RBFOX2: variants seen among roughly 807,000 people sequenced by gnomAD.
The protein encoded by RBFOX2 is RNA binding protein fox-1 homolog 2.
Under a neutral mutation model 49.1 loss-of-function variants are expected in RBFOX2, and 10 were observed. The ratio of observed to expected loss-of-function variants is 0.20; its 90% CI spans 0.13 to 0.35. The LOEUF is 0.35. RBFOX2 is among the 10% of genes least tolerant of loss of function. The pLI, the probability that RBFOX2 is intolerant of heterozygous loss-of-function variation, is 1.00. For missense variants in RBFOX2, 323 were observed against 486.9 expected, an observed-to-expected ratio of 0.66 and a Z score of 3.17; for synonymous variants, 183 against 187.4, an observed-to-expected ratio of 0.98 and a Z score of 0.19.
intron 1 of RBFOX2, among the ~76,000 whole-genome samples, chr22:35,871,584 T>C (rs2044358680): frequency 6.6e-6 from 1 of 152,220 alleles, no homozygotes; most frequent in Non-Finnish European, 1.5e-5. Flanking sequence ...TCTGAGCTGT[T>C]CTTATTCAAG....
At position 35,913,543 on chromosome 22, in the gene RBFOX2, T is replaced by C. The variant is rs1250949614; in HGVS notation, c.-34+25304A>G. On this transcript the variant is annotated intron_variant, in intron 1 of 13. Transcript: ENST00000359369. ...ATTATATCATTATAATATGTGTGTA[T>C]ATGTATGTGTGTGTGTGTATATATA... Among the ~76,000 whole-genome samples, 7 of 149,986 alleles carry C rather than the reference T, an allele frequency of 4.7e-5. No individual in the cohort carries two copies. In the South Asian group the frequency reaches 8.5e-4, roughly 18 times the overall value.
chr22:35,875,607 GGTGTGTGTGTGTGTGTGT>G lies in RBFOX2; in HGVS notation c.-34+63222_-34+63239del, dbSNP rs56137825. Among the ~76,000 whole-genome samples the G allele has an allele frequency of 3.6e-3, 428 of 117,726 alleles. 2 individuals are homozygous for G. The highest frequency in any genetic ancestry group is 0.011 in the East Asian group (42 of 3,898). 77.2% of individuals were successfully genotyped at this position (117,726 alleles called of 152,430 possible). ...CTGCGAATTAATAAATGCTCACAAG[GGTGTGTGTGTGTGTGTGT>G]GTGTGTGTGTGTGTGTGTGTGTGTG... On this transcript the variant is annotated intron_variant, in intron 1 of 13. Transcript: ENST00000359369.
intron 1 of RBFOX2, among the ~76,000 whole-genome samples, chr22:35,832,802 C>T (rs1179622116): frequency 6.6e-6 from 1 of 152,140 alleles, no homozygotes. Context: ...CAAGACTGCA[C>T]CACTGTACTC....
chr22:35,899,270 GA>G (rs1253739276), intron 1 of RBFOX2, among the ~76,000 whole-genome samples: 1 of 151,632 alleles, frequency 6.6e-6, no homozygotes, highest in African/African-American at 2.4e-5. Flanking sequence ...TCAAAATAAA[GA>G]AAAGTTTAAA....
intron 6 of RBFOX2, among the ~76,000 whole-genome samples, chr22:35,762,640 G>A (rs1333558698): frequency 6.6e-6 from 1 of 151,628 alleles, no homozygotes; most frequent in Non-Finnish European, 1.5e-5. Context: ...CAAGTAGCTG[G>A]GACTACAGGC....
intron 4 of RBFOX2, among the ~76,000 whole-genome samples, chr22:35,770,730 A>G (rs1156231054): frequency 2.6e-5 from 4 of 152,174 alleles, no homozygotes; most frequent in African/African-American, 9.7e-5. Flanking sequence ...ACTGCATCCA[A>G]AAGAATGGAA....
exon 12 of RBFOX2, chr22:35,740,929 A>C (rs1324700988): frequency 3.9e-5 from 6 of 152,222 alleles, no homozygotes; most frequent in Admixed American, 3.9e-4. Context: ...TTTGAGGAAA[A>C]GCTGCTATCG....
At chr22:35,938,205 G>A (rs1163484333) in intron 1 of RBFOX2, among the ~76,000 whole-genome samples, 1 of 152,146 alleles carries the variant, frequency 6.6e-6, no homozygotes. Context: ...TCCTAACTCT[G>A]TTTCAACGTC....
intron 2 of RBFOX2, among the ~76,000 whole-genome samples, chr22:35,782,524 T>C (rs1945392857): frequency 6.6e-6 from 1 of 152,228 alleles, no homozygotes; most frequent in South Asian, 2.1e-4. Context: ...GGTTTCACCC[T>C]GTTAGCTAGG....
At chr22:35,875,436 C>G (rs981941840) in intron 1 of RBFOX2, among the ~76,000 whole-genome samples, 1 of 152,116 alleles carries the variant, frequency 6.6e-6, no homozygotes, top group Non-Finnish European at 1.5e-5. Context: ...ATGCAAAATT[C>G]CAGGTTACAT....
At chr22:35,980,013 T>C (rs1350092706) in intron 1 of RBFOX2, among the ~76,000 whole-genome samples, 4 of 152,174 alleles carry the variant, frequency 2.6e-5, no homozygotes, top group Non-Finnish European at 5.9e-5. Flanking sequence ...CTAACAGAGA[T>C]AGCCTTTACT....
intron 1 of RBFOX2, among the ~76,000 whole-genome samples, chr22:35,817,706 G>A (rs1953444658): frequency 6.6e-6 from 1 of 151,990 alleles, no homozygotes; most frequent in African/African-American, 2.4e-5. Context: ...AAAGAATCAG[G>A]ACCAAAAGAT....
chr22:35,912,062 C>T (rs1040561560), intron 1 of RBFOX2, among the ~76,000 whole-genome samples: 2 of 152,168 alleles, frequency 1.3e-5, no homozygotes, highest in African/African-American at 4.8e-5. Flanking sequence ...GGCAATGACA[C>T]ATCTTATCTC....
chr22:35,890,431 C>T (rs1319525801), intron 1 of RBFOX2, among the ~76,000 whole-genome samples: 1 of 152,090 alleles, frequency 6.6e-6, no homozygotes, highest in Non-Finnish European at 1.5e-5. Flanking sequence ...AATAATAAAA[C>T]TGAATAATTA....
rs1449887323 is a variant in RBFOX2 at position 35,749,517 on chromosome 22, A to ACACG, written c.888-2960_888-2957dup. Reference sequence around the variant, plus strand: ...TCCTCTCTCTCTCTCTTACACACACACACGCACACACACACATACACTTAC... The same window carrying ACACG: ...TCCTCTCTCTCTCTCTTACACACACACACGCACGCACACACACACATACACTTAC... On this transcript the variant is annotated intron_variant, in intron 9 of 11. Transcript: ENST00000405409. This position sits in a 1 kb window ranked among gnomAD's most constrained non-coding sequence, Gnocchi z 4.1. Among the ~76,000 whole-genome samples the ACACG allele has an allele frequency of 6.7e-6, 1 of 149,804 alleles. No individual in the cohort carries two copies. Among genetic ancestry groups the ACACG allele is most frequent in the Non-Finnish European group, 1.5e-5 (1 of 66,536 alleles).
intron 1 of RBFOX2, among the ~76,000 whole-genome samples, chr22:35,876,228 T>A (rs1023502436): frequency 2.0e-5 from 3 of 152,054 alleles, no homozygotes; most frequent in Admixed American, 6.6e-5. Flanking sequence ...ATTTTTAAAA[T>A]TTTTTTATTT....
chr22:35,859,529 A>T (rs1369984336), intron 1 of RBFOX2, among the ~76,000 whole-genome samples: 3 of 152,210 alleles, frequency 2.0e-5, no homozygotes, highest in Non-Finnish European at 4.4e-5. Flanking sequence ...AATCATAGTT[A>T]AGTATGGAAA....
chr22:35,954,769 C>G (rs1254727851), intron 1 of RBFOX2, among the ~76,000 whole-genome samples: 1 of 152,170 alleles, frequency 6.6e-6, no homozygotes, highest in Admixed American at 6.5e-5. Flanking sequence ...ATTCTTTTCT[C>G]AAAAGAACTC....
intron 1 of RBFOX2, 68 bp downstream of exon 1, chr22:36,028,172 C>G (rs945730763): frequency 1.3e-5 from 18 of 1,378,540 alleles, no homozygotes; most frequent in Non-Finnish European, 1.7e-5. Context: ...CTCTCCAAGC[C>G]GGGGAGCCCG....
Sources: allele counts gnomAD v4.1 joint callset (sites outside exome capture counted in the v4.1 genomes callset), GRCh38; gene constraint gnomAD v4.1.1; non-coding constraint Gnocchi (gnomAD v3.1); transcripts MANE v1.5; gene names NCBI Gene and HGNC (gene_info 2026-07-23, HGNC 2026-07-21).